Variants in STK32A observed in about 807,000 individuals in gnomAD.
STK32A encodes the protein serine/threonine kinase 32A.
A neutral mutation model predicts 53.2 loss-of-function variants in STK32A; 41 were observed. The ratio of observed to expected loss-of-function variants is 0.77; its 90% CI spans 0.60 to 1.00. STK32A has a LOEUF of 1.00. Ranked by LOEUF, STK32A falls within the 50% of genes least tolerant of loss-of-function variation. The probability of loss-of-function intolerance (pLI) is 0.00; values close to 1 mark genes in which losing one functional copy is unlikely to be tolerated. For synonymous variants in STK32A, 166 were observed against 162.8 expected (o/e 1.02, Z -0.15); for missense variants, 458 against 485.8 (o/e 0.94, Z 0.54).
chr5:147,241,978 G>A (rs893392454), intron 2 of STK32A, among the ~76,000 whole-genome samples: 5 of 152,272 alleles, frequency 3.3e-5, no homozygotes, highest in African/African-American at 9.6e-5. Flanking sequence ...TTGTTCTTGC[G>A]GGATGCCCAA....
chr5:147,244,417 T>C (rs947332576), intron 2 of STK32A, among the ~76,000 whole-genome samples: 5 of 152,250 alleles, frequency 3.3e-5, no homozygotes, highest in Admixed American at 6.5e-5. Context: ...CACTGGATCA[T>C]ATAATTCCTT....
intron 2 of STK32A, among the ~76,000 whole-genome samples, chr5:147,253,816 T>C (rs1754105383): frequency 6.6e-6 from 1 of 152,240 alleles, no homozygotes; most frequent in South Asian, 2.1e-4. Context: ...TGCTTATCCA[T>C]ACTGGAGGAG....
chr5:147,266,371 G>A (rs1299454769), intron 2 of STK32A, among the ~76,000 whole-genome samples: 1 of 152,130 alleles, frequency 6.6e-6, no homozygotes, highest in Non-Finnish European at 1.5e-5. Context: ...TTCAAATGAG[G>A]ACTTCATTGA....
chr5:147,327,388 A>G (rs1424294), intron 5 of STK32A, among the ~76,000 whole-genome samples: 6,786 of 152,320 alleles, frequency 0.045, 496 homozygotes, highest in African/African-American at 0.15. Context: ...GAGTTCCTAG[A>G]AATTAAAAGT....
intron 5 of STK32A, among the ~76,000 whole-genome samples, chr5:147,326,118 T>C (rs1581097136): frequency 2.0e-5 from 3 of 152,218 alleles, no homozygotes; most frequent in East Asian, 3.8e-4. Context: ...ACAACAAAAA[T>C]ATTGATACAA....
chr5:147,397,941 T>C, the STK32A span: 2 of 1,293,568 alleles, frequency 1.5e-6, no homozygotes, highest in Non-Finnish European at 2.1e-6. Context: ...TGCTGCTGAT[T>C]CACCAGGTAA....
intron 2 of STK32A, among the ~76,000 whole-genome samples, chr5:147,263,721 T>C (rs4546437): frequency 0.3 from 44,962 of 151,760 alleles, 7,008 homozygotes; most frequent in African/African-American, 0.36. Context: ...GAACATTTAA[T>C]GGCCAGGTGA....
rs1316772216 is a variant in STK32A at position 147,263,069 on chromosome 5, A to G, written c.53-15055A>G. Among the ~76,000 whole-genome samples the G allele has an allele frequency of 2.6e-5, 4 of 152,350 alleles. No homozygotes were observed. In the East Asian group the frequency reaches 5.8e-4, roughly 22 times the overall value. ...AGAAGTTTTCTTAGTGGGGAAGTTG[A>G]GTGCAGAAGATGCCTTGCTGAAAAT... On this transcript the variant is annotated intron_variant, in intron 2 of 12. Coordinates refer to ENST00000397936, the MANE Select transcript of STK32A (RefSeq NM_001112724.2).
intron 2 of STK32A, among the ~76,000 whole-genome samples, chr5:147,251,114 C>A (rs4705029): frequency 0.24 from 36,933 of 151,924 alleles, 4,530 homozygotes; most frequent in Admixed American, 0.3. Flanking sequence ...TAATATAAAT[C>A]TATTAAATTG....
Position 147,239,720 on chromosome 5 carries a change from A to C in STK32A, c.52+34A>C, listed in dbSNP as rs1435800341. The C allele has an allele frequency of 2.6e-6, 4 of 1,543,900 alleles. No homozygotes were observed. In the Admixed American group the frequency reaches 5.6e-5, roughly 21 times the overall value. The stretch of plus-strand genomic sequence containing the variant: ...TATGGGATAGTGGCATATAAAAAAT[A>C]GAATTTTGCAAAATTCAAGTATATG... On this transcript the variant is annotated intron_variant, in intron 2 of 12. Transcript: ENST00000397936.
chr5:147,296,338 A>G (rs1269842654), intron 4 of STK32A, among the ~76,000 whole-genome samples: 2 of 151,740 alleles, frequency 1.3e-5, no homozygotes, highest in East Asian at 1.9e-4. Context: ...GAGAGATTCA[A>G]GCACACGGTT....
In STK32A at chr5:147,316,520, A is replaced by G. The variant is rs184711198; in HGVS notation, c.261-7378A>G. Among the ~76,000 whole-genome samples, 7 of 152,340 alleles carry G rather than the reference A, an allele frequency of 4.6e-5. No individual in the cohort carries two copies. In the East Asian group the frequency reaches 1.4e-3, roughly 29 times the overall value. Reference sequence around the variant, plus strand: ...GAAGAATGAACATTATGAACTGAACATCAATAAGAATAATGACATCAAACC... The same window carrying G: ...GAAGAATGAACATTATGAACTGAACGTCAATAAGAATAATGACATCAAACC... On this transcript the variant is annotated intron_variant, in intron 4 of 12. Coordinates refer to ENST00000397936, the MANE Select transcript of STK32A (RefSeq NM_001112724.2).
At chr5:147,375,263 A>T in intron 11 of STK32A, 45 bp downstream of exon 11, 2 of 1,593,130 alleles carry the variant, frequency 1.3e-6, no homozygotes, top group Non-Finnish European at 1.7e-6. Flanking sequence ...TATCCCCATG[A>T]TGGCTGCAAT....
chr5:147,336,698 TC>T (rs1755141080), intron 5 of STK32A, among the ~76,000 whole-genome samples: 1 of 152,186 alleles, frequency 6.6e-6, no homozygotes, highest in Admixed American at 6.5e-5. Flanking sequence ...TGACAGCCTT[TC>T]ACTTCTGCCC....
At position 147,279,598 on chromosome 5, in the gene STK32A, G is replaced by A. The variant is rs553471709; in HGVS notation, c.260+200G>A. Among the ~76,000 whole-genome samples the A allele has an allele frequency of 2.6e-5, 4 of 152,336 alleles. No homozygotes were observed. The South Asian group carries it at 8.3e-4, about 32-fold the overall frequency. On this transcript the variant is annotated intron_variant, in intron 4 of 12. Coordinates refer to ENST00000397936, the MANE Select transcript of STK32A (RefSeq NM_001112724.2). ...AAAGTGGAAAAGTACACACTCAAGA[G>A]AGGGGAGCATGGGTGAACTCCAGCG...
chr5:147,394,487 C>T, the STK32A span, among the ~76,000 whole-genome samples: 1 of 152,104 alleles, frequency 6.6e-6, no homozygotes, highest in African/African-American at 2.4e-5. Flanking sequence ...AGAGAGGTGC[C>T]CTTATCTGTT....
chr5:147,288,700 C>A (rs965448615), intron 4 of STK32A, among the ~76,000 whole-genome samples: 4 of 152,020 alleles, frequency 2.6e-5, no homozygotes, highest in African/African-American at 9.7e-5. Context: ...AGAACAGCAC[C>A]AAGAGGATGG....
At chr5:147,244,298 G>T (rs1412465881) in intron 2 of STK32A, among the ~76,000 whole-genome samples, 1 of 152,116 alleles carries the variant, frequency 6.6e-6, no homozygotes, top group African/African-American at 2.4e-5. Context: ...GACATTGATT[G>T]TCCTCACCTT....
chr5:147,299,334 GT>G (rs1450137321), intron 4 of STK32A, among the ~76,000 whole-genome samples: 1 of 152,072 alleles, frequency 6.6e-6, no homozygotes, highest in Non-Finnish European at 1.5e-5. Context: ...CGTCATCTTG[GT>G]TTTGGCCGGC....
Sources: gnomAD v4.1 joint callset for allele counts (sites outside exome capture counted in the v4.1 genomes callset) on GRCh38, gnomAD v4.1.1 for gene constraint, MANE v1.5 for transcripts, NCBI Gene and HGNC (gene_info 2026-07-23, HGNC 2026-07-21) for gene names.